MYO9A: variants seen among roughly 807,000 people sequenced by gnomAD.
MYO9A encodes the protein unconventional myosin-IXa.
In MYO9A, 103 loss-of-function variants were observed where a neutral mutation model predicts 293.3. The observed-to-expected ratio is 0.35, with a 90% confidence interval of 0.30 to 0.41. The LOEUF (loss-of-function observed/expected upper bound fraction) is 0.41. Among genes scored for constraint, MYO9A ranks in the 10% least tolerant of loss-of-function variants. MYO9A has a pLI of 1.00. For missense variants in MYO9A, 2,685 were observed against 3,033.0 expected (o/e 0.89, Z 2.69); for synonymous variants, 1,001 against 1,035.7 (o/e 0.97, Z 0.64).
At chr15:71,954,712 G>A (rs557070323) in intron 14 of MYO9A, among the ~76,000 whole-genome samples, 21 of 152,254 alleles carry the variant, frequency 1.4e-4, no homozygotes, top group African/African-American at 4.8e-4. Flanking sequence ...AACACAGATT[G>A]CTAAGGCTCC....
chr15:71,863,064 T>C (rs1259922736), intron 32 of MYO9A, among the ~76,000 whole-genome samples: 1 of 151,922 alleles, frequency 6.6e-6, no homozygotes, highest in Non-Finnish European at 1.5e-5. Context: ...TAGCTGGGAT[T>C]ACAGGCGCCT....
At chr15:71,979,784 T>G (rs1461511712) in intron 11 of MYO9A, among the ~76,000 whole-genome samples, 1 of 152,166 alleles carries the variant, frequency 6.6e-6, no homozygotes, top group Non-Finnish European at 1.5e-5. Flanking sequence ...TTCTAAAACT[T>G]TAACATACAA....
chr15:72,085,602 T>C (rs1052959385), intron 1 of MYO9A, among the ~76,000 whole-genome samples: 8 of 152,172 alleles, frequency 5.3e-5, no homozygotes, highest in Non-Finnish European at 1.5e-5. Context: ...TTCCTATCCA[T>C]TGTCTGAATT....
intron 34 of MYO9A, among the ~76,000 whole-genome samples, chr15:71,858,342 G>C (rs1421117231): frequency 2.0e-5 from 3 of 152,034 alleles, no homozygotes; most frequent in Non-Finnish European, 4.4e-5. Flanking sequence ...CAATAGCAAA[G>C]ACTTGGAACC....
chr15:72,001,842 C>T (rs2076875175), intron 8 of MYO9A, among the ~76,000 whole-genome samples: 1 of 151,948 alleles, frequency 6.6e-6, no homozygotes. Context: ...AAGGCCTCAA[C>T]CTTTTAGATT....
chr15:71,857,602 G>C (rs1302348478), intron 34 of MYO9A, among the ~76,000 whole-genome samples: 1 of 151,762 alleles, frequency 6.6e-6, no homozygotes, highest in East Asian at 1.9e-4. Context: ...TGTGCACCTT[G>C]AGTTAGTTTA....
intron 1 of MYO9A, among the ~76,000 whole-genome samples, chr15:72,098,954 A>C (rs1283696265): frequency 6.6e-6 from 1 of 152,266 alleles, no homozygotes; most frequent in South Asian, 2.1e-4. Flanking sequence ...TTAAAAAAAA[A>C]AACAACTATA....
intron 1 of MYO9A, among the ~76,000 whole-genome samples, chr15:72,087,278 A>G (rs1046424230): frequency 6.6e-6 from 1 of 152,218 alleles, no homozygotes; most frequent in Non-Finnish European, 1.5e-5. Context: ...CTCTAGGGCT[A>G]AAGTCTCCTA....
At chr15:71,995,366 T>C (rs567948523) in intron 9 of MYO9A, among the ~76,000 whole-genome samples, 1 of 152,274 alleles carries the variant, frequency 6.6e-6, no homozygotes, top group Admixed American at 6.5e-5. Context: ...TTGTCACCCA[T>C]AGAAACTTCT....
intron 1 of MYO9A, among the ~76,000 whole-genome samples, chr15:72,113,613 T>C (rs1432193736): frequency 6.6e-6 from 1 of 152,228 alleles, no homozygotes; most frequent in African/African-American, 2.4e-5. Context: ...GATTTTTATC[T>C]GTACTATACA....
intron 34 of MYO9A, among the ~76,000 whole-genome samples, chr15:71,857,005 A>G (rs1186994278): frequency 6.6e-6 from 1 of 152,210 alleles, no homozygotes; most frequent in Non-Finnish European, 1.5e-5. Flanking sequence ...GAATAGAATA[A>G]GGCTTGCTGT....
chr15:72,014,727 AAGAG>A (rs139154140), intron 6 of MYO9A, among the ~76,000 whole-genome samples: 3,286 of 150,604 alleles, frequency 0.022, 118 homozygotes, highest in African/African-American at 0.078. Context: ...AAAAGAAGAG[AAGAG>A]AGAGAGAGAG....
chr15:71,850,297 A>G (rs1190335320), intron 37 of MYO9A, 130 bp from the exon 38 acceptor site: 12 of 1,082,838 alleles, frequency 1.1e-5, no homozygotes, highest in Non-Finnish European at 1.5e-5. Flanking sequence ...AAGGATATCC[A>G]TTAAGTTTAA....
intron 30 of MYO9A, among the ~76,000 whole-genome samples, chr15:71,879,372 T>C (rs1596091966): frequency 6.6e-6 from 1 of 152,206 alleles, no homozygotes; most frequent in Non-Finnish European, 1.5e-5. Flanking sequence ...AAAGGAAAAT[T>C]AGACATTATA....
intron 2 of MYO9A, among the ~76,000 whole-genome samples, chr15:72,033,889 A>G (rs538475356): frequency 6.6e-6 from 1 of 152,338 alleles, no homozygotes; most frequent in East Asian, 1.9e-4. Context: ...ACAAAACTAG[A>G]AAAGACACAG....
intron 18 of MYO9A, among the ~76,000 whole-genome samples, chr15:71,925,727 T>C (rs1367630883): frequency 6.6e-6 from 1 of 152,226 alleles, no homozygotes; most frequent in Non-Finnish European, 1.5e-5. Flanking sequence ...TAAAATCATG[T>C]GTTACTTAAC....
intron 9 of MYO9A, among the ~76,000 whole-genome samples, chr15:71,998,799 A>G (rs1044812904): frequency 6.6e-6 from 1 of 151,846 alleles, no homozygotes; most frequent in Admixed American, 6.6e-5. Context: ...TCATTGTTCA[A>G]TTCCCATCTA....
intron 38 of MYO9A, 80 bp downstream of exon 38, chr15:71,849,956 C>CTATT: frequency 6.5e-7 from 1 of 1,534,152 alleles, no homozygotes; most frequent in South Asian, 1.2e-5. Context: ...AACCCATTCA[C>CTATT]TATGTTTGAT....
chr15:72,015,990 A>C (rs1328000796), intron 6 of MYO9A, among the ~76,000 whole-genome samples: 1 of 152,046 alleles, frequency 6.6e-6, no homozygotes, highest in Non-Finnish European at 1.5e-5. Context: ...GCCCAGCCTC[A>C]GATCAGCTTT....
Sources: allele counts gnomAD v4.1 joint callset (sites outside exome capture counted in the v4.1 genomes callset), GRCh38; gene constraint gnomAD v4.1.1; transcripts MANE v1.5; gene names NCBI Gene and HGNC (gene_info 2026-07-23, HGNC 2026-07-21).